The following CFAP54 variants were observed in gnomAD, a reference collection of about 807,000 sequenced individuals.
CFAP54 encodes the protein cilia and flagella associated protein 54, also known as cilia- and flagella-associated protein 54.
In CFAP54, 290 loss-of-function variants were observed where a neutral mutation model predicts 370.4. That is an observed-to-expected ratio of 0.78 (90% CI 0.71 to 0.86). CFAP54 has a LOEUF of 0.86. Among genes scored for constraint, CFAP54 ranks in the 40% least tolerant of loss-of-function variants. The pLI, the probability that CFAP54 is intolerant of heterozygous loss-of-function variation, is 0.00. For synonymous variants in CFAP54, 1,206 were observed against 1,236.5 expected, an observed-to-expected ratio of 0.98 and a Z score of 0.52; for missense variants, 3,399 against 3,528.7, an observed-to-expected ratio of 0.96 and a Z score of 0.93.
At chr12:96,583,098 G>C (rs1345650696) in intron 22 of CFAP54, among the ~76,000 whole-genome samples, 1 of 152,002 alleles carries the variant, frequency 6.6e-6, no homozygotes, top group African/African-American at 2.4e-5. Flanking sequence ...ACTTTAGGTT[G>C]TACTTTTTAC....
In CFAP54 at chr12:96,708,343, A is replaced by G. The variant is rs111357272; in HGVS notation, c.6529-265A>G. Among the ~76,000 whole-genome samples the G allele has an allele frequency of 4.8e-3, 732 of 152,232 alleles. 4 individuals are homozygous for G. Among genetic ancestry groups the G allele is most frequent in the African/African-American group, 0.017 (695 of 41,532 alleles). ...AAGAATCCCATCCTTCACTCTGAGC[A>G]CCAGGTTTACTCTGCCACGATGGCA... is the stretch of plus-strand genomic sequence containing the variant. On this transcript the variant is annotated intron_variant, in intron 47 of 67. Transcript: ENST00000524981.
chr12:96,703,527 G>A (rs1957514770), intron 46 of CFAP54, among the ~76,000 whole-genome samples: 1 of 152,024 alleles, frequency 6.6e-6, no homozygotes, highest in Non-Finnish European at 1.5e-5. Flanking sequence ...TTCTACCAAT[G>A]GGAATCTTTT....
intron 66 of CFAP54, among the ~76,000 whole-genome samples, chr12:96,830,550 T>C (rs555309585): frequency 6.6e-6 from 1 of 152,330 alleles, no homozygotes; most frequent in Admixed American, 6.5e-5. Context: ...CATTTTAAAA[T>C]TGGTATATAC....
intron 22 of CFAP54, 73 bp downstream of exon 22, chr12:96,581,178 T>A: frequency 1.9e-6 from 2 of 1,075,448 alleles, no homozygotes; most frequent in Non-Finnish European, 1.2e-6. Flanking sequence ...TAATTTCTGA[T>A]GGAAATAAAA....
At chr12:96,686,899 C>T (rs758685186) in intron 42 of CFAP54, among the ~76,000 whole-genome samples, 2 of 152,174 alleles carry the variant, frequency 1.3e-5, no homozygotes, top group African/African-American at 2.4e-5. Context: ...CTAAACCTAG[C>T]GGCTTAAAAC....
At chr12:96,858,549 T>C (rs1305496116) in intron 66 of CFAP54, among the ~76,000 whole-genome samples, 1 of 152,232 alleles carries the variant, frequency 6.6e-6, no homozygotes, top group Non-Finnish European at 1.5e-5. Context: ...AGTGTCTTTG[T>C]CATGAGACCT....
chr12:96,577,821 G>A (rs1328215877), intron 20 of CFAP54, among the ~76,000 whole-genome samples: 3 of 152,174 alleles, frequency 2.0e-5, no homozygotes, highest in Non-Finnish European at 2.9e-5. Flanking sequence ...AGTACTTTGG[G>A]AGGCTGAGGC....
At chr12:96,527,588 A>G (rs1023127503) in intron 9 of CFAP54, 144 bp downstream of exon 9, 2 of 563,256 alleles carry the variant, frequency 3.6e-6, no homozygotes, top group Admixed American at 3.7e-5. Flanking sequence ...TGTTTTTGAG[A>G]TAAGGTCTCT....
chr12:96,556,289 C>A (rs1284277846), intron 17 of CFAP54, among the ~76,000 whole-genome samples: 1 of 151,188 alleles, frequency 6.6e-6, no homozygotes, highest in Non-Finnish European at 1.5e-5. Context: ...TAAATAAATT[C>A]TCATCATCAA....
chr12:96,795,777 C>G (rs1958755055), intron 63 of CFAP54, among the ~76,000 whole-genome samples: 1 of 152,146 alleles, frequency 6.6e-6, no homozygotes, highest in Non-Finnish European at 1.5e-5. Flanking sequence ...TCTGCACTCC[C>G]CATTTGCCCC....
At chr12:96,781,047 G>GA (rs1958575409) in intron 60 of CFAP54, among the ~76,000 whole-genome samples, 1 of 151,974 alleles carries the variant, frequency 6.6e-6, no homozygotes, top group African/African-American at 2.4e-5. Flanking sequence ...ATGTAATGTA[G>GA]AAAAAAGAAA....
chr12:96,720,537 G>A lies in CFAP54; in HGVS notation c.6937G>A (p.Ala2313Thr). 1 of 1,576,456 alleles carries A rather than the reference G, an allele frequency of 6.3e-7. No homozygotes were observed. Among genetic ancestry groups the A allele is most frequent in the Non-Finnish European group, 8.6e-7 (1 of 1,157,994 alleles). The stretch of plus-strand genomic sequence containing the variant: ...GGCCCGGCTTCAGCTGGCTGCAGTT[G>A]CTCTGCAGAGGCACCGGGCGGCATA... ...VEARLQLAAV[A>T]LQRHRAAYSA... The change falls in exon 50 of 68, where the codon GCT (alanine) becomes ACT (threonine). Residue 2313 changes from alanine (A) to threonine (T), a missense_variant. By Grantham distance (58) the Ala-to-Thr change is moderately conservative (BLOSUM62 0). Around this residue, in one of 3 missense-constraint regions of CFAP54, gnomAD observed 2,796 missense variants for 2,869.7 expected, o/e 0.97. Coordinates refer to ENST00000524981, the MANE Select transcript of CFAP54 (RefSeq NM_001306084.2).
chr12:96,614,980 T>G (rs963692548), intron 26 of CFAP54, among the ~76,000 whole-genome samples: 1 of 152,134 alleles, frequency 6.6e-6, no homozygotes, highest in Non-Finnish European at 1.5e-5. Context: ...AAGCTACCAA[T>G]GACTTTCTTC....
Position 96,756,560 on chromosome 12 carries a change from C to A in CFAP54, c.7943C>A (p.Ser2648Ter). Residue 2648 changes from serine (S) to a stop codon, truncating the protein, a stop_gained, in exon 57 of 68, where the codon TCA (serine) becomes TAA (stop). Transcript: ENST00000524981. LOFTEE classifies it high-confidence loss of function. ...CTAAGCCTGAAAAATGATCAAAACT[C>A]AGGGTAAAAAGATATTCCATTGTTG... is the stretch of plus-strand genomic sequence containing the variant. ...IQLSLKNDQNSGLIRDSYLEM... is the reference protein window; with the variant it reads ...IQLSLKNDQN The A allele has an allele frequency of 6.3e-7, 1 of 1,582,946 alleles. No homozygotes were observed. Among genetic ancestry groups the A allele is most frequent in the Non-Finnish European group, 8.7e-7 (1 of 1,155,774 alleles).
At chr12:96,682,355 G>A (rs61939392) in intron 40 of CFAP54, 87 of 976,960 alleles carry the variant, frequency 8.9e-5, no homozygotes, top group Non-Finnish European at 1.0e-4. Flanking sequence ...TAGCCATTAT[G>A]TACTCATTTT....
intron 65 of CFAP54, among the ~76,000 whole-genome samples, chr12:96,823,650 C>A (rs1959056873): frequency 6.6e-6 from 1 of 152,202 alleles, no homozygotes; most frequent in Non-Finnish European, 1.5e-5. Flanking sequence ...ATTGCCCTCA[C>A]TAGGCCATGA....
intron 62 of CFAP54, 30 bp downstream of exon 62, chr12:96,786,928 CA>C: frequency 7.1e-7 from 1 of 1,405,758 alleles, no homozygotes; most frequent in Non-Finnish European, 9.6e-7. Context: ...GATATATTTA[CA>C]TAAAACTTCT....
At position 96,619,616 on chromosome 12, in the gene CFAP54, C is replaced by T. The variant is rs1326126597; in HGVS notation, c.3640-1974C>T. Among the ~76,000 whole-genome samples, 48 of 152,102 alleles carry T rather than the reference C, an allele frequency of 3.2e-4. 1 individual carries two copies. Among genetic ancestry groups the T allele is most frequent in the Admixed American group, 3.1e-3 (48 of 15,274 alleles). On this transcript the variant is annotated intron_variant, in intron 26 of 67. Coordinates refer to ENST00000524981, the MANE Select transcript of CFAP54 (RefSeq NM_001306084.2). ...TTTGGTATGTTAAATAGAATTGGTCCTCTGTTTTTCCTTTGGCTGGAAAAA... is the reference window on the plus strand; with the variant it reads ...TTTGGTATGTTAAATAGAATTGGTCTTCTGTTTTTCCTTTGGCTGGAAAAA...
At chr12:96,663,202 C>G (rs753136605) in intron 38 of CFAP54, among the ~76,000 whole-genome samples, 1 of 152,118 alleles carries the variant, frequency 6.6e-6, no homozygotes, top group Admixed American at 6.6e-5. Flanking sequence ...GTACTACTCA[C>G]AAGGGACAAT....
Sources: gnomAD v4.1 joint callset for allele counts (sites outside exome capture counted in the v4.1 genomes callset) on GRCh38, gnomAD v4.1.1 for gene constraint, gnomAD v4.1.1 regional missense constraint, MANE v1.5 for transcripts, NCBI Gene and HGNC (gene_info 2026-07-23, HGNC 2026-07-21) for gene names.